ARHGEF9: variants seen among roughly 807,000 people sequenced by gnomAD.
ARHGEF9 encodes the protein Cdc42 guanine nucleotide exchange factor 9, also known as rho guanine nucleotide exchange factor 9.
A neutral mutation model predicts 41.3 loss-of-function variants in ARHGEF9; 2 were observed. That is an observed-to-expected ratio of 0.05 (90% CI 0.02 to 0.15). The LOEUF is 0.15. Among genes scored for constraint, ARHGEF9 ranks in the 10% least tolerant of loss-of-function variants. The probability of loss-of-function intolerance (pLI) is 1.00; values close to 1 mark genes in which losing one functional copy is unlikely to be tolerated. For synonymous variants in ARHGEF9, 160 were observed against 154.4 expected (o/e 1.04, Z -0.27); for missense variants, 225 against 424.7 (o/e 0.53, Z 4.13).
intron 2 of ARHGEF9, among the ~76,000 whole-genome samples, chrX:63,710,534 C>T (rs1295524083): frequency 9.1e-6 from 1 of 110,471 alleles, no homozygotes; most frequent in African/African-American, 3.3e-5. Flanking sequence ...AAAATCAGTC[C>T]ATGTAAATTA....
chrX:63,757,634 T>C (rs1435726607), intron 1 of ARHGEF9, among the ~76,000 whole-genome samples: 1 of 111,420 alleles, frequency 9.0e-6, no homozygotes, highest in Non-Finnish European at 1.9e-5. Context: ...TTTGTCCCTT[T>C]CTCTCTTCCT....
intron 9 of ARHGEF9, chrX:63,638,468 C>T: frequency 2.5e-6 from 1 of 408,130 alleles, no homozygotes; most frequent in Non-Finnish European, 4.2e-6. Context: ...ATCTGTTTTA[C>T]AGGTGAGAAC....
chrX:63,654,944 T>C (rs1338301300), intron 8 of ARHGEF9, among the ~76,000 whole-genome samples: 9 of 112,188 alleles, frequency 8.0e-5, no homozygotes, highest in African/African-American at 2.9e-4. Flanking sequence ...AGAAACAACT[T>C]ATTGTAAGGC....
At chrX:63,770,912 C>T (rs782164994) in intron 1 of ARHGEF9, among the ~76,000 whole-genome samples, 1 of 112,563 alleles carries the variant, frequency 8.9e-6, no homozygotes, top group African/African-American at 3.2e-5. Context: ...AATTAAACCT[C>T]TTTCTTTTGC....
chrX:63,651,145 A>G (rs782160945), intron 8 of ARHGEF9, among the ~76,000 whole-genome samples: 1 of 111,424 alleles, frequency 9.0e-6, no homozygotes, highest in African/African-American at 3.2e-5. Context: ...GTTACATATT[A>G]AAAAATTTAA....
chrX:63,696,295 C>T lies in ARHGEF9; in HGVS notation c.582+830G>A, dbSNP rs1454201453. ...CATATTAAATCTTTAAAAATAAATA[C>T]TTTATTAAAAGGGGAAACATGCTGT... On this transcript the variant is annotated intron_variant, in intron 4 of 9. Transcript: ENST00000671741. 1.6e-4 allele frequency among the ~76,000 whole-genome samples: 18 copies of T among 111,560 alleles called. 1 individual carries two copies. The highest frequency in any genetic ancestry group is 3.2e-4 in the Non-Finnish European group (17 of 53,111).
intron 6 of ARHGEF9, chrX:63,671,648 C>G (rs2049962417): frequency 8.9e-6 from 1 of 112,211 alleles, no homozygotes; most frequent in Non-Finnish European, 1.9e-5. Context: ...ATAAACCTCT[C>G]TCTGCTTCTC....
chrX:63,637,979 A>G lies in ARHGEF9; in HGVS notation c.*49T>C. ...TCTCCGAAAAAAGGTCCATCTATAA[A>G]TATAATTTTATTTACTTTATTTTAA... is the stretch of plus-strand genomic sequence containing the variant. On this transcript the variant is annotated 3_prime_UTR_variant, in exon 10 of 10. Transcript: ENST00000671741. The G allele has an allele frequency of 9.0e-7, 1 of 1,114,988 alleles. No individual in the cohort carries two copies. Among genetic ancestry groups the G allele is most frequent in the East Asian group, 3.3e-5 (1 of 30,340 alleles). The allele number at this position is 1,114,988 out of a possible 1,213,427, so 91.9% of individuals were successfully genotyped here. A position where few individuals can be genotyped will look rare whatever the true frequency, so the allele number is the denominator to read the frequency against.
intron 1 of ARHGEF9, among the ~76,000 whole-genome samples, chrX:63,768,595 T>C (rs1556452931): frequency 8.9e-6 from 1 of 112,251 alleles, no homozygotes; most frequent in Non-Finnish European, 1.9e-5. Flanking sequence ...TATACAATAT[T>C]GTTTGACTCT....
At chrX:63,704,525 T>A (rs13328590) in intron 3 of ARHGEF9, among the ~76,000 whole-genome samples, 4,433 of 111,785 alleles carry the variant, frequency 0.04, 212 homozygotes, top group African/African-American at 0.14. Context: ...AGGGGGAATT[T>A]TTTTAGCATC....
At chrX:63,724,871 G>T in intron 1 of ARHGEF9, 160 bp from the exon 2 acceptor site, 1 of 501,748 alleles carries the variant, frequency 2.0e-6, no homozygotes, top group Non-Finnish European at 3.4e-6. Context: ...CCATTAGACC[G>T]CAAGACAAAC....
chrX:63,665,579 G>A (rs2049481555), intron 7 of ARHGEF9, among the ~76,000 whole-genome samples: 1 of 112,442 alleles, frequency 8.9e-6, no homozygotes, highest in Non-Finnish European at 1.9e-5. Flanking sequence ...TTTACAAATG[G>A]TGCAGACCAG....
At chrX:63,689,520 C>T (rs1167174513) in intron 4 of ARHGEF9, among the ~76,000 whole-genome samples, 3 of 112,109 alleles carry the variant, frequency 2.7e-5, no homozygotes, top group South Asian at 3.7e-4. Context: ...TAGATTTAAA[C>T]AGAGAGACAG....
At chrX:63,720,536 A>G (rs2053577359) in intron 2 of ARHGEF9, among the ~76,000 whole-genome samples, 1 of 112,488 alleles carries the variant, frequency 8.9e-6, no homozygotes, top group African/African-American at 3.2e-5. Context: ...GAAAAAAATA[A>G]TTTGGCAGAA....
intron 1 of ARHGEF9, among the ~76,000 whole-genome samples, chrX:63,741,431 T>C (rs1422572956): frequency 3.5e-5 from 4 of 112,728 alleles, no homozygotes; most frequent in Admixed American, 2.8e-4. Context: ...TTCCCTGTCA[T>C]GCCCACTTAG....
At chrX:63,770,214 T>C (rs1291804279) in intron 1 of ARHGEF9, among the ~76,000 whole-genome samples, 2 of 112,957 alleles carry the variant, frequency 1.8e-5, no homozygotes, top group Non-Finnish European at 3.7e-5. Flanking sequence ...GAAATCATTT[T>C]AAAGCTTTAA....
intron 1 of ARHGEF9, among the ~76,000 whole-genome samples, chrX:63,753,696 C>G (rs1380599046): frequency 1.8e-5 from 2 of 111,073 alleles, no homozygotes; most frequent in East Asian, 5.6e-4. Context: ...TTCATGATTC[C>G]AAGGAAATTG....
chrX:63,752,515 A>G (rs1318334545), intron 1 of ARHGEF9, among the ~76,000 whole-genome samples: 2 of 111,629 alleles, frequency 1.8e-5, no homozygotes, highest in Non-Finnish European at 3.8e-5. Context: ...GGGGAAAAAA[A>G]CTCACTAAAT....
intron 1 of ARHGEF9, among the ~76,000 whole-genome samples, chrX:63,725,926 T>C (rs1556416657): frequency 8.9e-6 from 1 of 112,510 alleles, no homozygotes; most frequent in Non-Finnish European, 1.9e-5. Flanking sequence ...TTTAAGACAA[T>C]AGAAATAGTC....
Sources: allele counts gnomAD v4.1 joint callset (sites outside exome capture counted in the v4.1 genomes callset), GRCh38; gene constraint gnomAD v4.1.1; transcripts MANE v1.5; gene names NCBI Gene and HGNC (gene_info 2026-07-23, HGNC 2026-07-21).